Variants in AUH observed in about 807,000 individuals in gnomAD.
AUH encodes methylglutaconyl-CoA hydratase, mitochondrial.
AUH carries 29 observed loss-of-function variants against 42.3 expected under a neutral mutation model. That is an observed-to-expected ratio of 0.69 (90% CI 0.51 to 0.93). The LOEUF (loss-of-function observed/expected upper bound fraction) is 0.93. Ranked by LOEUF, AUH falls within the 40% of genes least tolerant of loss-of-function variation. AUH has a pLI of 0.00. For synonymous variants in AUH, 174 were observed against 166.4 expected, an observed-to-expected ratio of 1.05 and a Z score of -0.35; for missense variants, 452 against 438.1, an observed-to-expected ratio of 1.03 and a Z score of -0.28.
intron 6 of AUH, among the ~76,000 whole-genome samples, chr9:91,295,140 C>T (rs1221075750): frequency 6.6e-6 from 1 of 152,088 alleles, no homozygotes; most frequent in African/African-American, 2.4e-5. Context: ...ACTGCCTCTA[C>T]GTAAGACATG....
chr9:91,241,510 TTTTCC>T (rs1190887400), intron 6 of AUH, among the ~76,000 whole-genome samples: 1 of 152,108 alleles, frequency 6.6e-6, no homozygotes, highest in African/African-American at 2.4e-5. Context: ...TTGTGTTAGG[TTTTCC>T]TTTATTAGGT....
rs918732712 is a variant in AUH, at chr9:91,299,867, A to G, written c.506-1791T>C. 2.6e-5 allele frequency among the ~76,000 whole-genome samples: 4 copies of G among 152,128 alleles called. No homozygotes were observed. The East Asian group carries it at 7.7e-4, about 29-fold the overall frequency. ...TCAACCTACTATCTCTCCAACCTCA[A>G]GTCTCACCCGTCAGAAGCCTTCCTT... On this transcript the variant is annotated intron_variant, in intron 4 of 9. Coordinates refer to ENST00000375731, the MANE Select transcript of AUH (RefSeq NM_001698.3).
chr9:91,249,157 C>T (rs1828965966), intron 6 of AUH, among the ~76,000 whole-genome samples: 1 of 151,566 alleles, frequency 6.6e-6, no homozygotes, highest in African/African-American at 2.4e-5. Flanking sequence ...ATTAGCCAGG[C>T]CTGGTGATGC....
At chr9:91,292,610 T>C (rs902252335) in intron 6 of AUH, among the ~76,000 whole-genome samples, 2 of 151,970 alleles carry the variant, frequency 1.3e-5, no homozygotes, top group African/African-American at 2.4e-5. Context: ...GGGGTTTCAC[T>C]GTCTGCATGA....
intron 3 of AUH, among the ~76,000 whole-genome samples, chr9:91,328,951 T>C (rs775360182): frequency 1.6e-4 from 24 of 152,196 alleles, no homozygotes; most frequent in African/African-American, 5.3e-4. Context: ...CCCAGCACCA[T>C]GTAATCACTA....
chr9:91,305,358 G>T (rs1413673766), intron 4 of AUH, among the ~76,000 whole-genome samples: 1 of 152,188 alleles, frequency 6.6e-6, no homozygotes, highest in African/African-American at 2.4e-5. Context: ...TGAGTTCAGG[G>T]ATGTTAAATT....
At chr9:91,283,279 T>G (rs916964856) in intron 6 of AUH, among the ~76,000 whole-genome samples, 2 of 152,184 alleles carry the variant, frequency 1.3e-5, no homozygotes, top group African/African-American at 4.8e-5. Flanking sequence ...TGCTAAAAAC[T>G]CTCAATAAAT....
intron 7 of AUH, 107 bp downstream of exon 7, chr9:91,220,698 G>A (rs1209591346): frequency 1.8e-5 from 22 of 1,252,778 alleles, no homozygotes; most frequent in Non-Finnish European, 2.4e-5. Context: ...CCTTTACTTG[G>A]AAGCAAGCCA....
At chr9:91,339,911 G>A (rs1481490852) in intron 3 of AUH, among the ~76,000 whole-genome samples, 2 of 152,158 alleles carry the variant, frequency 1.3e-5, no homozygotes, top group Non-Finnish European at 2.9e-5. Flanking sequence ...CTTGCTGATC[G>A]AGATCAGCGT....
At chr9:91,265,525 A>G (rs780152238) in intron 6 of AUH, among the ~76,000 whole-genome samples, 46 of 152,142 alleles carry the variant, frequency 3.0e-4, no homozygotes, top group Non-Finnish European at 4.3e-4. Flanking sequence ...TAACACCAGG[A>G]GAGTGGGAAC....
chr9:91,302,914 G>A (rs548933541), intron 4 of AUH, among the ~76,000 whole-genome samples: 5 of 152,278 alleles, frequency 3.3e-5, no homozygotes, highest in South Asian at 2.1e-4. Flanking sequence ...CAGGAACTGC[G>A]AATCCAACGA....
chr9:91,321,633 G>T (rs540809799), intron 4 of AUH, among the ~76,000 whole-genome samples: 1 of 152,240 alleles, frequency 6.6e-6, no homozygotes, highest in African/African-American at 2.4e-5. Flanking sequence ...CAGGAAAAAT[G>T]AAGATAGGAG....
At chr9:91,349,196 A>G (rs556208210) in intron 3 of AUH, among the ~76,000 whole-genome samples, 1 of 152,320 alleles carries the variant, frequency 6.6e-6, no homozygotes, top group Non-Finnish European at 1.5e-5. Flanking sequence ...ATGCATGTTG[A>G]CAATTTTAGT....
At chr9:91,319,940 G>T (rs190356598) in intron 4 of AUH, among the ~76,000 whole-genome samples, 1 of 152,108 alleles carries the variant, frequency 6.6e-6, no homozygotes, top group African/African-American at 2.4e-5. Flanking sequence ...TTTCACTCCT[G>T]CTCTAAAACT....
chr9:91,263,334 T>C (rs1587719391), intron 6 of AUH, among the ~76,000 whole-genome samples: 1 of 152,322 alleles, frequency 6.6e-6, no homozygotes, highest in South Asian at 2.1e-4. Flanking sequence ...ATACAACTAA[T>C]AGTAAAAAAG....
intron 6 of AUH, among the ~76,000 whole-genome samples, chr9:91,280,251 T>A (rs1564060152): frequency 6.6e-6 from 1 of 152,230 alleles, no homozygotes. Flanking sequence ...GAGAAAAAGG[T>A]AGGTCTTTCA....
At chr9:91,306,557 G>T (rs1828238228) in intron 4 of AUH, among the ~76,000 whole-genome samples, 1 of 152,200 alleles carries the variant, frequency 6.6e-6, no homozygotes, top group Admixed American at 6.5e-5. Flanking sequence ...ATGGTTTGTA[G>T]AACAGCAGGA....
intron 3 of AUH, among the ~76,000 whole-genome samples, chr9:91,346,187 C>A (rs1028804993): frequency 2.0e-5 from 3 of 152,028 alleles, no homozygotes; most frequent in Non-Finnish European, 4.4e-5. Context: ...CCAGGACAGG[C>A]GCTGGTCACC....
chr9:91,295,978 G>A (rs907939904), intron 6 of AUH, 43 bp downstream of exon 6: 2 of 1,604,232 alleles, frequency 1.2e-6, no homozygotes, highest in Non-Finnish European at 1.7e-6. Flanking sequence ...CTGTTTCTAG[G>A]ACCAAATCAA....
Sources: allele counts gnomAD v4.1 joint callset (sites outside exome capture counted in the v4.1 genomes callset), GRCh38; gene constraint gnomAD v4.1.1; transcripts MANE v1.5; gene names NCBI Gene and HGNC (gene_info 2026-07-23, HGNC 2026-07-21).